LRP1B: variants seen among roughly 807,000 people sequenced by gnomAD.
The protein encoded by LRP1B is LDL receptor related protein 1B.
A neutral mutation model predicts 556.6 loss-of-function variants in LRP1B; 217 were observed. The ratio of observed to expected loss-of-function variants is 0.39; its 90% CI spans 0.35 to 0.44. The LOEUF (loss-of-function observed/expected upper bound fraction) is 0.44. LRP1B is among the 20% of genes least tolerant of loss of function. The pLI, the probability that LRP1B is intolerant of heterozygous loss-of-function variation, is 1.00. For missense variants in LRP1B, 5,053 were observed against 5,620.8 expected, an observed-to-expected ratio of 0.90 and a Z score of 3.23; for synonymous variants, 2,047 against 1,865.8, an observed-to-expected ratio of 1.10 and a Z score of -2.50.
Position 141,489,449 on chromosome 2 carries a change from C to T in LRP1B, c.206-8916G>A, listed in dbSNP as rs555766401. Among the ~76,000 whole-genome samples the T allele has an allele frequency of 5.0e-4, 76 of 151,918 alleles. 2 individuals are homozygous for T. The South Asian group carries it at 0.015, about 29-fold the overall frequency. Reference sequence around the variant, plus strand: ...ATTATAATATCTGTAATTACCATAGCTGAGAATTCAAAACAGTTACAGCAA... The same window carrying T: ...ATTATAATATCTGTAATTACCATAGTTGAGAATTCAAAACAGTTACAGCAA... On this transcript the variant is annotated intron_variant, in intron 2 of 90. Coordinates refer to ENST00000389484, the MANE Select transcript of LRP1B (RefSeq NM_018557.3).
Position 140,370,901 on chromosome 2 carries a change from C to T in LRP1B, c.10876-59G>A. 4.5e-6 allele frequency: 7 copies of T among 1,553,560 alleles called. No homozygotes were observed. The South Asian group carries it at 7.9e-5, about 18-fold the overall frequency. On this transcript the variant is annotated intron_variant, in intron 70 of 90. Coordinates refer to ENST00000389484, the MANE Select transcript of LRP1B (RefSeq NM_018557.3). Reference sequence around the variant, plus strand: ...TTAATGATAATGATACAATCATGGGCAAAATAAACATGCAGCTTGTAATAC... The same window carrying T: ...TTAATGATAATGATACAATCATGGGTAAAATAAACATGCAGCTTGTAATAC...
chr2:140,501,905 A>G (rs754316682), intron 54 of LRP1B, 31 bp from the exon 55 acceptor site: 2 of 1,524,424 alleles, frequency 1.3e-6, no homozygotes, highest in Non-Finnish European at 1.8e-6. Flanking sequence ...ATGGAACATA[A>G]AGGGCATGCC....
chr2:140,298,241 T>G (rs1558781294), intron 83 of LRP1B, among the ~76,000 whole-genome samples: 1 of 152,198 alleles, frequency 6.6e-6, no homozygotes, highest in African/African-American at 2.4e-5. Flanking sequence ...ATGCATATAT[T>G]GTTTGCTTAA....
At chr2:140,651,174 A>C (rs1317612006) in intron 41 of LRP1B, among the ~76,000 whole-genome samples, 1 of 152,096 alleles carries the variant, frequency 6.6e-6, no homozygotes, top group African/African-American at 2.4e-5. Context: ...GGAGATAAGA[A>C]CGGGCAGAGA....
chr2:141,764,659 T>C lies in LRP1B; in HGVS notation c.205+45620A>G, dbSNP rs909853673. Reference sequence around the variant, plus strand: ...ATCTTGGATTTCCAGCTTCTAAAACTGTGAGACAATACATTTAGGACACTC... The same window carrying C: ...ATCTTGGATTTCCAGCTTCTAAAACCGTGAGACAATACATTTAGGACACTC... On this transcript the variant is annotated intron_variant, in intron 2 of 90. Coordinates refer to ENST00000389484, the MANE Select transcript of LRP1B (RefSeq NM_018557.3). Among the ~76,000 whole-genome samples, 12 of 151,784 alleles carry C rather than the reference T, an allele frequency of 7.9e-5. No individual in the cohort carries two copies. In the East Asian group the frequency reaches 2.3e-3, roughly 30 times the overall value.
rs1314777636 is a variant in LRP1B, at chr2:140,306,094, G to T, written c.12806-8125C>A. Among the ~76,000 whole-genome samples the T allele has an allele frequency of 3.8e-5, 5 of 130,252 alleles. 1 individual carries two copies. The highest frequency in any genetic ancestry group is 4.9e-4 in the South Asian group (2 of 4,092). The allele number at this position is 130,252 out of a possible 152,430, so 85.5% of individuals were successfully genotyped here. On this transcript the variant is annotated intron_variant, in intron 83 of 90. Coordinates refer to ENST00000389484, the MANE Select transcript of LRP1B (RefSeq NM_018557.3). ...GGATTTTTGCATCGATATTCATCAG[G>T]TATATTGGTCTAACATTCTCTTTTT...
At chr2:140,725,003 T>C (rs1310154760) in intron 35 of LRP1B, among the ~76,000 whole-genome samples, 1 of 152,176 alleles carries the variant, frequency 6.6e-6, no homozygotes, top group Non-Finnish European at 1.5e-5. Flanking sequence ...GGAATACAAT[T>C]TTTGCCACAT....
intron 1 of LRP1B, among the ~76,000 whole-genome samples, chr2:141,812,360 A>G (rs535111756): frequency 1.3e-5 from 2 of 152,262 alleles, no homozygotes; most frequent in Non-Finnish European, 2.9e-5. Context: ...CAACAGGTAT[A>G]AACCAAGTTT....
chr2:140,575,822 G>A (rs1393814791), intron 43 of LRP1B, among the ~76,000 whole-genome samples: 1 of 151,954 alleles, frequency 6.6e-6, no homozygotes, highest in Non-Finnish European at 1.5e-5. Flanking sequence ...CTACTCGGGA[G>A]GCTGAGGCAG....
chr2:141,534,397 C>T (rs1414435526), intron 2 of LRP1B, among the ~76,000 whole-genome samples: 1 of 152,124 alleles, frequency 6.6e-6, no homozygotes, highest in East Asian at 1.9e-4. Context: ...CAAAACATTA[C>T]CAAGCCTTTT....
chr2:140,955,660 A>T (rs919364269), intron 18 of LRP1B, among the ~76,000 whole-genome samples: 3 of 151,782 alleles, frequency 2.0e-5, no homozygotes, highest in Non-Finnish European at 4.4e-5. Context: ...CAATTTACCT[A>T]TTATATGTTT....
chr2:141,437,342 TTTA>T (rs1559070135), intron 3 of LRP1B, among the ~76,000 whole-genome samples: 1 of 151,992 alleles, frequency 6.6e-6, no homozygotes, highest in East Asian at 1.9e-4. Flanking sequence ...GAAAATATTT[TTTA>T]TTATAATTTT....
chr2:140,445,513 T>C lies in LRP1B; in HGVS notation c.10058-834A>G, dbSNP rs1334124408. On this transcript the variant is annotated intron_variant, in intron 63 of 90. Coordinates refer to ENST00000389484, the MANE Select transcript of LRP1B (RefSeq NM_018557.3). ...GATATTCATCCCTATAATCCGATTA[T>C]TATACAAGAGAACAATATCTTATAA... 2.0e-5 allele frequency among the ~76,000 whole-genome samples: 3 copies of C among 152,288 alleles called. No homozygotes were observed. The East Asian group carries it at 5.8e-4, about 29-fold the overall frequency.
chr2:140,419,974 C>T lies in LRP1B; in HGVS notation c.10414+22530G>A, dbSNP rs9917148. 4.4e-3 allele frequency among the ~76,000 whole-genome samples: 654 copies of T among 148,296 alleles called. 6 individuals carry two copies. The highest frequency in any genetic ancestry group is 0.015 in the African/African-American group (608 of 39,988). ...AGTGAGCTGAGATCATGCCACTGCA[C>T]TCCAGCCTGGGTGACAGAGTGAGAC... On this transcript the variant is annotated intron_variant, in intron 66 of 90. Coordinates refer to ENST00000389484, the MANE Select transcript of LRP1B (RefSeq NM_018557.3).
At chr2:140,743,331 A>T (rs1481165039) in intron 35 of LRP1B, among the ~76,000 whole-genome samples, 5 of 152,190 alleles carry the variant, frequency 3.3e-5, no homozygotes, top group Admixed American at 2.6e-4. Flanking sequence ...AAAAATGCAG[A>T]TTCATACATT....
chr2:140,532,780 G>A (rs1690757105), intron 47 of LRP1B, among the ~76,000 whole-genome samples: 1 of 151,584 alleles, frequency 6.6e-6, no homozygotes, highest in Non-Finnish European at 1.5e-5. Context: ...CCTCTACTTG[G>A]AATTCTCTTT....
At chr2:142,032,119 TG>T (rs1166368296) in intron 1 of LRP1B, among the ~76,000 whole-genome samples, 1 of 151,848 alleles carries the variant, frequency 6.6e-6, no homozygotes, top group East Asian at 2.0e-4. Flanking sequence ...TAGTGATACT[TG>T]GTTACAGTGG....
rs1691181139 is a variant in LRP1B, at chr2:140,817,847, T to C, written c.5210-4041A>G. Among the ~76,000 whole-genome samples the C allele has an allele frequency of 2.6e-5, 4 of 152,278 alleles. No individual in the cohort carries two copies. In the South Asian group the frequency reaches 8.3e-4, roughly 32 times the overall value. ...TAAGGCTTCCAATAGATATTTTTAA[T>C]ACATTTCCATCACTTAGCAAATTTA... On this transcript the variant is annotated intron_variant, in intron 31 of 90. Coordinates refer to ENST00000389484, the MANE Select transcript of LRP1B (RefSeq NM_018557.3).
chr2:141,048,201 A>C (rs1698934044), intron 11 of LRP1B, among the ~76,000 whole-genome samples: 1 of 152,138 alleles, frequency 6.6e-6, no homozygotes, highest in Admixed American at 6.6e-5. Flanking sequence ...ATATTCAAGA[A>C]GTAAGCAGAC....
Sources: gnomAD v4.1 joint callset for allele counts (sites outside exome capture counted in the v4.1 genomes callset) on GRCh38, gnomAD v4.1.1 for gene constraint, MANE v1.5 for transcripts, NCBI Gene and HGNC (gene_info 2026-07-23, HGNC 2026-07-21) for gene names.